Variants in TAS1R2 observed in about 807,000 individuals in gnomAD.
The protein encoded by TAS1R2 is taste 1 receptor member 2, also known as taste receptor type 1 member 2.
TAS1R2 carries 47 observed loss-of-function variants against 49.3 expected under a neutral mutation model. That is an observed-to-expected ratio of 0.95 (90% CI 0.75 to 1.22). The LOEUF is 1.22. Among genes scored for constraint, TAS1R2 ranks in the 50% most tolerant of loss-of-function variants. The probability of loss-of-function intolerance (pLI) is 0.00; values close to 1 mark genes in which losing one functional copy is unlikely to be tolerated. For missense variants in TAS1R2, 1,155 were observed against 1,122.1 expected (o/e 1.03, Z -0.42); for synonymous variants, 479 against 467.9 (o/e 1.02, Z -0.31).
At chr1:18,843,334 TG>T (rs1214266744) in intron 4 of TAS1R2, among the ~76,000 whole-genome samples, 5 of 152,122 alleles carry the variant, frequency 3.3e-5, no homozygotes, top group African/African-American at 1.2e-4. Context: ...AACTTGGGGT[TG>T]GGGGTGCTGT....
At chr1:18,853,851 G>C (rs1267070310) in intron 3 of TAS1R2, among the ~76,000 whole-genome samples, 1 of 152,140 alleles carries the variant, frequency 6.6e-6, no homozygotes, top group African/African-American at 2.4e-5. Flanking sequence ...CAGGGTGATA[G>C]AGAACTAGGG....
intron 3 of TAS1R2, among the ~76,000 whole-genome samples, chr1:18,852,657 C>A (rs1480140399): frequency 6.6e-6 from 1 of 152,228 alleles, no homozygotes; most frequent in Admixed American, 6.5e-5. Context: ...GCACTAGATG[C>A]CCTCCAGTAA....
At chr1:18,844,152 G>A (rs1285075935) in intron 4 of TAS1R2, among the ~76,000 whole-genome samples, 1 of 152,186 alleles carries the variant, frequency 6.6e-6, no homozygotes, top group African/African-American at 2.4e-5. Context: ...GAATTCTGAA[G>A]GACAGTAATG....
intron 5 of TAS1R2, 70 bp downstream of exon 5, chr1:18,841,659 C>T: frequency 6.4e-7 from 1 of 1,568,060 alleles, no homozygotes; most frequent in Admixed American, 1.7e-5. Context: ...AGGACAAGCC[C>T]TAGAGACTCC....
exon 6 of TAS1R2, chr1:18,839,780 A>C: frequency 1.2e-6 from 2 of 1,614,252 alleles, no homozygotes; most frequent in Non-Finnish European, 1.7e-6. Flanking sequence ...GTAGGCAGAC[A>C]TGAAGGTGCA....
Position 18,854,237 on chromosome 1 carries a change from G to T in TAS1R2, c.1233C>A (p.Thr411=). The change falls in exon 3 of 6, where the codon ACC becomes ACA. Residue 411 remains threonine, a synonymous_variant. Coordinates refer to ENST00000375371, the Ensembl canonical transcript of TAS1R2. The surrounding 1 kb of genome is among the most constrained non-coding windows in gnomAD (Gnocchi z 4.9). ...CCTGCCAGGGGTAGACCACCCTCTT[G>T]GTGCAGGTGCTTTTGTCACAGCCGA... 6.2e-7 allele frequency: 1 copy of T among 1,613,836 alleles called. No homozygotes were observed. The highest frequency in any genetic ancestry group is 8.5e-7 in the Non-Finnish European group (1 of 1,179,786).
chr1:18,841,682 G>C, intron 5 of TAS1R2, 47 bp downstream of exon 5: 1 of 1,587,398 alleles, frequency 6.3e-7, no homozygotes, highest in Non-Finnish European at 8.6e-7. Context: ...GGGCAGGGCA[G>C]GGGCAGGGCA....
exon 6 of TAS1R2, chr1:18,840,417 C>T (rs536329276): frequency 6.2e-6 from 10 of 1,614,126 alleles, no homozygotes; most frequent in South Asian, 2.2e-5. Flanking sequence ...AGGGCCACAG[C>T]GATGGTGGGT....
intron 2 of TAS1R2, among the ~76,000 whole-genome samples, chr1:18,855,983 A>T (rs918436034): frequency 5.9e-5 from 9 of 152,054 alleles, no homozygotes; most frequent in African/African-American, 1.4e-4. Context: ...AACATTACCC[A>T]TCCACCTTTC....
chr1:18,841,616 C>A (rs1339478518), intron 5 of TAS1R2, 113 bp downstream of exon 5: 14 of 1,439,400 alleles, frequency 9.7e-6, no homozygotes, highest in African/African-American at 1.4e-5. Context: ...ACACTCACAC[C>A]CCCTGTGGGG....
chr1:18,857,383 G>T lies in TAS1R2; in HGVS notation c.431C>A (p.Ser144Tyr), dbSNP rs995457022. The change falls in exon 2 of 6, where the codon TCC (serine) becomes TAC (tyrosine). Residue 144 changes from serine (S) to tyrosine (Y), a missense_variant. Transcript: ENST00000375371. ...GTTGGCCACAGTCATGACAGACTCG[G>T]AGTTGTCAGGGCCAATGACAGCCAC... The T allele has an allele frequency of 8.1e-6, 13 of 1,614,114 alleles. No homozygotes were observed. The East Asian group carries it at 2.9e-4, about 36-fold the overall frequency.
rs778137404 is a variant in TAS1R2 at position 18,854,327 on chromosome 1, C to T, written c.1143G>A (p.Gly381=). The change falls in exon 3 of 6, where the codon GGG becomes GGA. Residue 381 remains glycine, a synonymous_variant. Coordinates refer to ENST00000375371, the Ensembl canonical transcript of TAS1R2. This position sits in a 1 kb window ranked among gnomAD's most constrained non-coding sequence, Gnocchi z 4.9. Reference sequence around the variant, plus strand: ...AGTACACGCTGTAGACGACACGCTCCCCAGAGAGCCTGAGAATGGTGTTGA... The same window carrying T: ...AGTACACGCTGTAGACGACACGCTCTCCAGAGAGCCTGAGAATGGTGTTGA... The T allele has an allele frequency of 1.2e-6, 2 of 1,614,000 alleles. No individual in the cohort carries two copies. The highest frequency in any genetic ancestry group is 2.2e-5 in the East Asian group (1 of 44,878).
intron 4 of TAS1R2, among the ~76,000 whole-genome samples, chr1:18,843,675 A>G (rs1315319086): frequency 6.6e-6 from 1 of 152,216 alleles, no homozygotes; most frequent in Non-Finnish European, 1.5e-5. Flanking sequence ...ATCTATGCTT[A>G]TAAGAATGGG....
chr1:18,851,425 G>A, intron 3 of TAS1R2, among the ~76,000 whole-genome samples: 1 of 152,046 alleles, frequency 6.6e-6, no homozygotes, highest in South Asian at 2.1e-4. Context: ...CGTCTCCTGG[G>A]TTCAAGCAAT....
rs781549433 is a variant in TAS1R2 at position 18,854,900 on chromosome 1, G to A, written c.570C>T (p.His190=). Residue 190 remains histidine, a synonymous_variant, in exon 3 of 6, where the codon CAC becomes CAT. Transcript: ENST00000375371. This position sits in a 1 kb window ranked among gnomAD's most constrained non-coding sequence, Gnocchi z 4.9. Reference sequence around the variant, plus strand: ...GCATCAGCTGCACCATGGCCTCGATGTGGTGGTCGGCGCTGGGTGTGGTAC... The same window carrying A: ...GCATCAGCTGCACCATGGCCTCGATATGGTGGTCGGCGCTGGGTGTGGTAC... The A allele has an allele frequency of 1.6e-5, 26 of 1,613,296 alleles. No homozygotes were observed. Among genetic ancestry groups the A allele is most frequent in the Non-Finnish European group, 2.0e-5 (24 of 1,179,820 alleles).
At chr1:18,841,905 G>A in intron 4 of TAS1R2, 53 bp from the exon 5 acceptor site, 2 of 1,491,860 alleles carry the variant, frequency 1.3e-6, no homozygotes, top group South Asian at 1.3e-5. Context: ...CATTCTGGGG[G>A]CCCCCTCCCC....
exon 6 of TAS1R2, chr1:18,839,749 G>A (rs12075191): frequency 0.052 from 83,574 of 1,614,152 alleles, 2,994 homozygotes; most frequent in South Asian, 0.15. Flanking sequence ...AGAGGTCCAC[G>A]ATGGTGACCA....
exon 6 of TAS1R2, chr1:18,839,987 T>C: frequency 6.2e-7 from 1 of 1,614,128 alleles, no homozygotes; most frequent in Non-Finnish European, 8.5e-7. Context: ...CTTGGGGTCA[T>C]CGGGGTCAGT....
intron 1 of TAS1R2, chr1:18,858,232 C>T (rs978018016): frequency 6.5e-6 from 1 of 153,868 alleles, no homozygotes. Context: ...ACCATCATCA[C>T]CACCCCCATC....
Sources: gnomAD v4.1 joint callset for allele counts (sites outside exome capture counted in the v4.1 genomes callset) on GRCh38, gnomAD v4.1.1 for gene constraint, Gnocchi (gnomAD v3.1) non-coding constraint, MANE v1.5 for transcripts, NCBI Gene and HGNC (gene_info 2026-07-23, HGNC 2026-07-21) for gene names.